Variants in FAM83F observed in about 807,000 individuals in gnomAD.
FAM83F encodes protein FAM83F.
FAM83F carries 45 observed loss-of-function variants against 42.9 expected under a neutral mutation model. The ratio of observed to expected loss-of-function variants is 1.05; its 90% CI spans 0.83 to 1.35. FAM83F has a LOEUF of 1.35. FAM83F is among the 40% of genes most tolerant of loss of function. FAM83F has a pLI of 0.00. For missense variants in FAM83F, 617 were observed against 695.9 expected (o/e 0.89, Z 1.28); for synonymous variants, 306 against 298.3 (o/e 1.03, Z -0.27).
Position 39,995,116 on chromosome 22 carries a change from T to C in FAM83F, c.74T>C (p.Phe25Ser). ...AAGGTGACCGAGGCGCAGGCCGCCT[T>C]CTACTACTGCGAGCGGCGGCGGGCC... Reference protein sequence around the residue: ...NEKVTEAQAAFYYCERRRAAL... With the variant: ...NEKVTEAQAASYYCERRRAAL... Residue 25 changes from phenylalanine (F) to serine (S), a missense_variant, in exon 1 of 5, where the codon TTC becomes TCC. By Grantham distance (155) the Phe-to-Ser change is radical (BLOSUM62 -2). Transcript: ENST00000333407. The surrounding 1 kb of genome is among the most constrained non-coding windows in gnomAD (Gnocchi z 4.6). 2.2e-6 allele frequency: 3 copies of C among 1,364,710 alleles called. No homozygotes were observed. Among genetic ancestry groups the C allele is most frequent in the Non-Finnish European group, 1.9e-6 (2 of 1,067,588 alleles). The allele number at this position is 1,364,710 out of a possible 1,614,324, so 84.5% of individuals were successfully genotyped here. A position where few individuals can be genotyped will look rare whatever the true frequency, so the allele number is the denominator to read the frequency against.
chr22:40,019,832 C>G, intron 2 of FAM83F, 55 bp from the exon 3 acceptor site: 4 of 1,555,248 alleles, frequency 2.6e-6, no homozygotes, highest in Non-Finnish European at 3.5e-6. Flanking sequence ...AAGCAAGGAC[C>G]TGGCACGGAG....
chr22:39,999,674 GCCAGTGACC>G (rs758549670), intron 1 of FAM83F, among the ~76,000 whole-genome samples: 35 of 152,294 alleles, frequency 2.3e-4, no homozygotes, highest in Non-Finnish European at 4.9e-4. Context: ...TACCAGTGAC[GCCAGTGACC>G]CCATGTGGAT....
intron 2 of FAM83F, 54 bp downstream of exon 2, chr22:40,019,389 T>G (rs2067507870): frequency 6.4e-7 from 1 of 1,552,426 alleles, no homozygotes; most frequent in Admixed American, 1.7e-5. Context: ...AGAGACTACC[T>G]CTGCCCCGTC....
chr22:40,012,360 C>A (rs1038808740), intron 1 of FAM83F, among the ~76,000 whole-genome samples: 5 of 151,722 alleles, frequency 3.3e-5, no homozygotes, highest in Admixed American at 6.6e-5. Context: ...GTCTCAAACT[C>A]CTGACCTCAG....
intron 1 of FAM83F, among the ~76,000 whole-genome samples, chr22:40,004,456 C>T (rs2067418064): frequency 6.6e-6 from 1 of 152,132 alleles, no homozygotes; most frequent in African/African-American, 2.4e-5. Context: ...GCGTGTGCCA[C>T]CACACCTGGC....
Position 40,021,754 on chromosome 22 carries a change from C to A in FAM83F, c.1244C>A (p.Ser415Tyr), listed in dbSNP as rs1162200970. The A allele has an allele frequency of 6.2e-7, 1 of 1,612,888 alleles. No individual in the cohort carries two copies. Among genetic ancestry groups the A allele is most frequent in the Non-Finnish European group, 8.5e-7 (1 of 1,179,812 alleles). Residue 415 changes from serine to tyrosine, a missense_variant, in exon 4 of 5, where the codon TCC becomes TAC. Coordinates refer to ENST00000333407, the MANE Select transcript of FAM83F (RefSeq NM_138435.4). This position sits in a 1 kb window ranked among gnomAD's most constrained non-coding sequence, Gnocchi z 8.7. ...ATGCACAGAGACCTGAAGCCCAAAT[C>A]CCGAGAGGCACCCAGCCGAAACGGC... ...SHMHRDLKPK[S>Y]REAPSRNGMG...
chr22:40,016,015 T>C (rs2067490581), intron 1 of FAM83F, among the ~76,000 whole-genome samples: 1 of 152,136 alleles, frequency 6.6e-6, no homozygotes, highest in Non-Finnish European at 1.5e-5. Context: ...AGAGAGTTTA[T>C]TTGGGCCAAG....
intron 1 of FAM83F, among the ~76,000 whole-genome samples, chr22:40,008,555 A>G (rs1205504265): frequency 6.6e-6 from 1 of 152,180 alleles, no homozygotes; most frequent in African/African-American, 2.4e-5. Flanking sequence ...CTGCTTCCAG[A>G]CCATATATTA....
chr22:40,001,755 A>T (rs575495995), intron 1 of FAM83F, among the ~76,000 whole-genome samples: 7 of 152,226 alleles, frequency 4.6e-5, no homozygotes, highest in Non-Finnish European at 8.8e-5. Context: ...ACAAATGTTC[A>T]TTATTTTAGA....
chr22:40,026,219 G>C lies in FAM83F; in HGVS notation c.1454-3297G>C, dbSNP rs564351607. Among the ~76,000 whole-genome samples, 12 of 152,230 alleles carry C rather than the reference G, an allele frequency of 7.9e-5. 1 individual carries two copies. The highest frequency in any genetic ancestry group is 5.2e-4 in the Admixed American group (8 of 15,284). The stretch of plus-strand genomic sequence containing the variant: ...AGGCTAGGATCGGCACCGTTTCCCT[G>C]CACCTTTAAAGACTGTTTGGGCCCG... On this transcript the variant is annotated intron_variant, in intron 4 of 4. Coordinates refer to ENST00000333407, the MANE Select transcript of FAM83F (RefSeq NM_138435.4).
chr22:40,007,553 CTCCTCTCCTCT>C (rs2067441319), intron 1 of FAM83F, among the ~76,000 whole-genome samples: 1 of 6,740 alleles, frequency 1.5e-4, no homozygotes, highest in African/African-American at 4.0e-4. Flanking sequence ...TCCTCTCCTC[CTCCTCTCCTCT>C]CCTCCTCCTC....
At chr22:40,003,626 G>A (rs907979675) in intron 1 of FAM83F, among the ~76,000 whole-genome samples, 1 of 152,100 alleles carries the variant, frequency 6.6e-6, no homozygotes, top group African/African-American at 2.4e-5. Context: ...CACCATGCCA[G>A]GTGCCATGAC....
At chr22:40,029,082 T>G (rs1226040484) in intron 4 of FAM83F, among the ~76,000 whole-genome samples, 1 of 2,156 alleles carries the variant, frequency 4.6e-4, no homozygotes, top group African/African-American at 2.5e-3. Context: ...TGGCTAGACG[T>G]GTGTGTGTGT....
Position 40,034,864 on chromosome 22 carries a change from C to G in FAM83F, c.*5299C>G, listed in dbSNP as rs1183563244. On this transcript the variant is annotated 3_prime_UTR_variant, in exon 5 of 5. Coordinates refer to ENST00000333407, the MANE Select transcript of FAM83F (RefSeq NM_138435.4). Reference sequence around the variant, plus strand: ...GGACTGGGTTTATCAAAAGTCCCTCCTGATCTAATCCTTTCCTCTAGGAAG... The same window carrying G: ...GGACTGGGTTTATCAAAAGTCCCTCGTGATCTAATCCTTTCCTCTAGGAAG... 1 of 152,200 alleles carries G rather than the reference C, an allele frequency of 6.6e-6. No individual in the cohort carries two copies. The highest frequency in any genetic ancestry group is 1.5e-5 in the Non-Finnish European group (1 of 68,046). The allele number at this position is 152,200 out of a possible 1,614,324, so 9.4% of individuals were successfully genotyped here.
chr22:40,028,655 G>A (rs969715837), intron 4 of FAM83F, among the ~76,000 whole-genome samples: 1 of 152,236 alleles, frequency 6.6e-6, no homozygotes, highest in African/African-American at 2.4e-5. Context: ...GGACTGTAAA[G>A]AGAGTGGGAA....
intron 1 of FAM83F, among the ~76,000 whole-genome samples, chr22:39,997,227 A>G (rs1466735219): frequency 2.6e-5 from 4 of 152,236 alleles, no homozygotes; most frequent in Non-Finnish European, 5.9e-5. Flanking sequence ...AGTCCGATTA[A>G]GCAAGGGGTT....
intron 1 of FAM83F, among the ~76,000 whole-genome samples, chr22:40,015,548 A>T (rs1375401247): frequency 2.6e-5 from 4 of 151,738 alleles, no homozygotes; most frequent in Non-Finnish European, 5.9e-5. Flanking sequence ...GAAAAAGGTG[A>T]CCCTTCCCTG....
intron 1 of FAM83F, among the ~76,000 whole-genome samples, chr22:40,002,037 T>A (rs995106464): frequency 3.9e-5 from 6 of 152,226 alleles, no homozygotes; most frequent in Non-Finnish European, 5.9e-5. Context: ...TCTGCCGGCC[T>A]CCGAGCTGCC....
chr22:40,041,418 C>T lies in FAM83F; in HGVS notation c.*11853C>T, dbSNP rs185247592. On this transcript the variant is annotated 3_prime_UTR_variant, in exon 5 of 5. Transcript: ENST00000333407. ...TGCCTTTTCAGGGTATGAGTTGATT[C>T]CGCAGGCACCAAGGCATGCCTGTAA... The T allele has an allele frequency of 9.8e-5, 15 of 152,336 alleles. No individual in the cohort carries two copies. In the East Asian group the frequency reaches 2.7e-3, roughly 27 times the overall value. 9.4% of individuals were successfully genotyped at this position (152,336 alleles called of 1,614,324 possible).
Sources: gnomAD v4.1 joint callset for allele counts (sites outside exome capture counted in the v4.1 genomes callset) on GRCh38, gnomAD v4.1.1 for gene constraint, Gnocchi (gnomAD v3.1) non-coding constraint, MANE v1.5 for transcripts, NCBI Gene and HGNC (gene_info 2026-07-23, HGNC 2026-07-21) for gene names.